The following C13orf42 variants were observed in gnomAD, a reference collection of about 807,000 sequenced individuals.
The protein encoded by C13orf42 is chromosome 13 open reading frame 42, also known as uncharacterized protein C13orf42.
intron 1 of C13orf42, among the ~76,000 whole-genome samples, chr13:51,148,333 G>A (rs1285571010): frequency 1.3e-5 from 2 of 152,244 alleles, no homozygotes; most frequent in African/African-American, 2.4e-5. Context: ...GACTACGTCA[G>A]CAACATAGCA....
intron 1 of C13orf42, among the ~76,000 whole-genome samples, chr13:51,163,426 A>G (rs1293683838): frequency 6.6e-6 from 1 of 152,146 alleles, no homozygotes; most frequent in East Asian, 1.9e-4. Context: ...CAGAGGTCAA[A>G]GAAGAGACCC....
rs375587435 is a variant in C13orf42, at chr13:51,124,245, C to T, written n.137-11023G>A. Among the ~76,000 whole-genome samples, 353 of 152,248 alleles carry T rather than the reference C, an allele frequency of 2.3e-3. 1 individual carries two copies. Among genetic ancestry groups the T allele is most frequent in the Non-Finnish European group, 3.9e-3 (266 of 68,030 alleles). On this transcript the variant is annotated intron_variant and non_coding_transcript_variant, in intron 1 of 4. Transcript: ENST00000433280. Reference sequence around the variant, plus strand: ...CAATCAGCACTCCAGATTCACTGGCCGACCCACCAAATTATCCTTAAAAAC... The same window carrying T: ...CAATCAGCACTCCAGATTCACTGGCTGACCCACCAAATTATCCTTAAAAAC...
At chr13:51,141,620 A>G (rs1953696865) in intron 1 of C13orf42, among the ~76,000 whole-genome samples, 1 of 152,080 alleles carries the variant, frequency 6.6e-6, no homozygotes, top group Non-Finnish European at 1.5e-5. Context: ...CAACATGGTG[A>G]AACTCCATCT....
intron 1 of C13orf42, among the ~76,000 whole-genome samples, chr13:51,125,053 G>C (rs1317628280): frequency 1.3e-5 from 2 of 152,058 alleles, no homozygotes; most frequent in African/African-American, 4.8e-5. Flanking sequence ...TCAAGTCTTA[G>C]CTGGAAAAAG....
At chr13:51,171,409 T>C (rs901506480) in intron 1 of C13orf42, among the ~76,000 whole-genome samples, 2 of 152,162 alleles carry the variant, frequency 1.3e-5, no homozygotes, top group African/African-American at 4.8e-5. Context: ...TCCTAGTCTC[T>C]GTGACCAGTG....
chr13:51,123,108 C>T (rs961695841), intron 1 of C13orf42, among the ~76,000 whole-genome samples: 12 of 152,136 alleles, frequency 7.9e-5, no homozygotes, highest in African/African-American at 2.7e-4. Flanking sequence ...AATGATTAAC[C>T]AACGTACAAG....
chr13:51,103,075 C>T (rs1053915582), intron 1 of C13orf42, among the ~76,000 whole-genome samples: 1 of 152,152 alleles, frequency 6.6e-6, no homozygotes, highest in East Asian at 1.9e-4. Flanking sequence ...CAAGTAACCC[C>T]GCCTGAGAAA....
At chr13:51,162,012 G>A (rs1953868668) in intron 1 of C13orf42, 1 of 403,122 alleles carries the variant, frequency 2.5e-6, no homozygotes, top group Non-Finnish European at 4.9e-6. Flanking sequence ...AACCTACTGA[G>A]AAGCCTGCAT....
chr13:51,168,889 G>C (rs997811450), intron 1 of C13orf42, among the ~76,000 whole-genome samples: 1 of 151,838 alleles, frequency 6.6e-6, no homozygotes, highest in Non-Finnish European at 1.5e-5. Context: ...TCCTTCTCTC[G>C]CCATCTAAGA....
intron 1 of C13orf42, among the ~76,000 whole-genome samples, chr13:51,138,556 A>G (rs536391973): frequency 1.3e-5 from 2 of 152,292 alleles, no homozygotes; most frequent in East Asian, 3.9e-4. Context: ...TATCAAAAAA[A>G]AAGAAAAAAA....
chr13:51,169,781 T>C (rs1351705801), intron 1 of C13orf42, among the ~76,000 whole-genome samples: 1 of 152,058 alleles, frequency 6.6e-6, no homozygotes, highest in African/African-American at 2.4e-5. Context: ...AGTGTGAGAG[T>C]TGAAGCTTGG....
chr13:51,124,388 T>A (rs1224677096), intron 1 of C13orf42, among the ~76,000 whole-genome samples: 1 of 152,218 alleles, frequency 6.6e-6, no homozygotes, highest in Admixed American at 6.5e-5. Flanking sequence ...TCTTGATAAA[T>A]CGGCTGTCTA....
At chr13:51,140,353 G>A (rs543357352) in intron 1 of C13orf42, among the ~76,000 whole-genome samples, 2 of 152,112 alleles carry the variant, frequency 1.3e-5, no homozygotes, top group East Asian at 1.9e-4. Flanking sequence ...AGCACATGTC[G>A]TCAGGACTTC....
chr13:51,089,721 G>T (rs879491475), intron 1 of C13orf42, among the ~76,000 whole-genome samples: 1 of 151,532 alleles, frequency 6.6e-6, no homozygotes, highest in Non-Finnish European at 1.5e-5. Context: ...CCATCACATT[G>T]GTCACCTCTC....
intron 1 of C13orf42, among the ~76,000 whole-genome samples, chr13:51,102,978 A>C (rs1418998806): frequency 6.6e-6 from 1 of 152,170 alleles, no homozygotes; most frequent in Non-Finnish European, 1.5e-5. Context: ...AACCGCCCCC[A>C]TAATCCAATC....
chr13:51,158,997 A>G (rs985479771), intron 1 of C13orf42, among the ~76,000 whole-genome samples: 12 of 152,350 alleles, frequency 7.9e-5, no homozygotes, highest in African/African-American at 2.6e-4. Flanking sequence ...TTGCATGTCA[A>G]TATGCTGATA....
At chr13:51,106,014 C>T (rs1593535345) in intron 1 of C13orf42, among the ~76,000 whole-genome samples, 2 of 152,124 alleles carry the variant, frequency 1.3e-5, no homozygotes, top group African/African-American at 4.8e-5. Flanking sequence ...CATGAAGTTC[C>T]GATTGTAGCT....
chr13:51,107,229 A>G (rs1255891836), intron 1 of C13orf42, among the ~76,000 whole-genome samples: 1 of 152,166 alleles, frequency 6.6e-6, no homozygotes, highest in East Asian at 1.9e-4. Flanking sequence ...ACCTGTTAGA[A>G]AGCCTCATTC....
intron 1 of C13orf42, among the ~76,000 whole-genome samples, chr13:51,131,836 G>T (rs572199106): frequency 6.6e-6 from 1 of 152,196 alleles, no homozygotes; most frequent in Non-Finnish European, 1.5e-5. Context: ...TGGTACATTT[G>T]TTATTAAACT....
Sources: allele counts gnomAD v4.1 joint callset (sites outside exome capture counted in the v4.1 genomes callset), GRCh38; gene constraint gnomAD v4.1.1; transcripts MANE v1.5; gene names NCBI Gene and HGNC (gene_info 2026-07-23, HGNC 2026-07-21).